Variants in GLDC observed in about 807,000 individuals in gnomAD.
GLDC encodes the protein glycine decarboxylase, also known as glycine dehydrogenase (decarboxylating), mitochondrial.
Under a neutral mutation model 121.3 loss-of-function variants are expected in GLDC, and 104 were observed. The ratio of observed to expected loss-of-function variants is 0.86; its 90% CI spans 0.73 to 1.01. The LOEUF is 1.01. Ranked by LOEUF, GLDC falls within the 50% of genes least tolerant of loss-of-function variation. The pLI is 0.00. For missense variants in GLDC, 1,429 were observed against 1,306.6 expected (o/e 1.09, Z -1.44); for synonymous variants, 546 against 480.6 (o/e 1.14, Z -1.78).
Position 6,634,440 on chromosome 9 carries a change from G to T in GLDC, c.334+10174C>A, listed in dbSNP as rs369824302. Among the ~76,000 whole-genome samples, 8 of 152,022 alleles carry T rather than the reference G, an allele frequency of 5.3e-5. No homozygotes were observed. The East Asian group carries it at 1.6e-3, about 29-fold the overall frequency. Reference sequence around the variant, plus strand: ...GCTACTAGGGAGGCTGAGGAGGGAGGATCGCTTGAGCCTGGGAGGCAGAGG... The same window carrying T: ...GCTACTAGGGAGGCTGAGGAGGGAGTATCGCTTGAGCCTGGGAGGCAGAGG... On this transcript the variant is annotated intron_variant, in intron 2 of 24. Coordinates refer to ENST00000321612, the MANE Select transcript of GLDC (RefSeq NM_000170.3).
rs186384743 is a variant in GLDC, at chr9:6,550,511, C to T, written c.2569+292G>A. Among the ~76,000 whole-genome samples, 695 of 152,208 alleles carry T rather than the reference C, an allele frequency of 4.6e-3. 3 individuals are homozygous for T. The highest frequency in any genetic ancestry group is 0.015 in the African/African-American group (641 of 41,516). On this transcript the variant is annotated intron_variant, in intron 21 of 24. Coordinates refer to ENST00000321612, the MANE Select transcript of GLDC (RefSeq NM_000170.3). ...GCATGGTGGTGCACACGTGTAGTCC[C>T]AGCTACTCGGGAGGCTGAGGCAAAA... is the stretch of plus-strand genomic sequence containing the variant.
chr9:6,623,797 T>C (rs781594162), intron 2 of GLDC, among the ~76,000 whole-genome samples: 1 of 152,202 alleles, frequency 6.6e-6, no homozygotes, highest in Non-Finnish European at 1.5e-5. Context: ...TCTGAGAAGA[T>C]AGGCAAGGAC....
intron 2 of GLDC, among the ~76,000 whole-genome samples, chr9:6,623,852 A>T (rs1372449347): frequency 6.6e-6 from 1 of 152,190 alleles, no homozygotes; most frequent in Non-Finnish European, 1.5e-5. Context: ...TCACCTCCCA[A>T]ATAATCTTCT....
At chr9:6,589,373 G>A in intron 11 of GLDC, 81 bp from the exon 12 acceptor site, 1 of 800,018 alleles carries the variant, frequency 1.2e-6, no homozygotes, top group Non-Finnish European at 2.3e-6. Context: ...GGGTGGCTGG[G>A]CCACAAAGCA....
chr9:6,636,190 C>T (rs1205715512), intron 2 of GLDC, among the ~76,000 whole-genome samples: 1 of 151,980 alleles, frequency 6.6e-6, no homozygotes, highest in East Asian at 1.9e-4. Context: ...TGTAGTCTCG[C>T]CTACTCAGGA....
intron 2 of GLDC, among the ~76,000 whole-genome samples, chr9:6,633,128 G>C (rs1014929506): frequency 6.6e-6 from 1 of 152,016 alleles, no homozygotes; most frequent in Non-Finnish European, 1.5e-5. Flanking sequence ...CTCCCACCTC[G>C]GAGGATCCTT....
chr9:6,554,631 C>T (rs780954019), intron 19 of GLDC, 38 bp downstream of exon 19: 1 of 1,417,492 alleles, frequency 7.1e-7, no homozygotes, highest in Non-Finnish European at 9.9e-7. Flanking sequence ...TTCATTCTGT[C>T]TCCAAAGCCA....
At chr9:6,565,895 T>A (rs1333154381) in intron 15 of GLDC, 1 of 265,668 alleles carries the variant, frequency 3.8e-6, no homozygotes. Flanking sequence ...AAACATCCTA[T>A]CATCAGTTCA....
chr9:6,595,734 G>A lies in GLDC; in HGVS notation c.1156-615C>T, dbSNP rs554592059. The stretch of plus-strand genomic sequence containing the variant: ...TGTAGTCCCAGTGACTCCAGAAGCC[G>A]AGATGGATCACTTGAACCCAGGATT... On this transcript the variant is annotated intron_variant, in intron 8 of 24. Coordinates refer to ENST00000321612, the MANE Select transcript of GLDC (RefSeq NM_000170.3). Among the ~76,000 whole-genome samples, 22 of 152,268 alleles carry A rather than the reference G, an allele frequency of 1.4e-4. No homozygotes were observed. The South Asian group carries it at 1.9e-3, about 13-fold the overall frequency.
At chr9:6,598,070 C>T (rs150048528) in intron 8 of GLDC, among the ~76,000 whole-genome samples, 1,888 of 152,148 alleles carry the variant, frequency 0.012, 30 homozygotes, top group Non-Finnish European at 0.018. Context: ...ATTCTGTCAC[C>T]CAGGTTGGAG....
chr9:6,539,930 C>T, intron 22 of GLDC, 121 bp downstream of exon 22: 1 of 774,874 alleles, frequency 1.3e-6, no homozygotes, highest in Non-Finnish European at 2.3e-6. Flanking sequence ...TTGCCAAGAA[C>T]CCTGAGCTCC....
intron 23 of GLDC, among the ~76,000 whole-genome samples, chr9:6,535,196 T>A: frequency 6.6e-6 from 1 of 152,162 alleles, no homozygotes; most frequent in East Asian, 1.9e-4. Flanking sequence ...CATTTTAAAA[T>A]CTGATATCAT....
chr9:6,607,042 C>T (rs1430066819), intron 4 of GLDC, among the ~76,000 whole-genome samples: 1 of 151,392 alleles, frequency 6.6e-6, no homozygotes, highest in Non-Finnish European at 1.5e-5. Flanking sequence ...CTCCATCCTG[C>T]GTAAGACGAG....
Position 6,555,936 on chromosome 9 carries a change from C to G in GLDC, c.2202+217G>C, listed in dbSNP as rs111542032. Among the ~76,000 whole-genome samples, 117 of 152,334 alleles carry G rather than the reference C, an allele frequency of 7.7e-4. 1 individual carries two copies. Among genetic ancestry groups the G allele is most frequent in the African/African-American group, 2.5e-3 (106 of 41,574 alleles). On this transcript the variant is annotated intron_variant, in intron 18 of 24. Transcript: ENST00000321612. ...ATAGATCCTCTGTCCCCCAAGTAAT[C>G]AGGATTGGGCCCTTTGAGCCCCCAT...
At chr9:6,540,636 T>A (rs557871158) in intron 21 of GLDC, 8 of 163,958 alleles carry the variant, frequency 4.9e-5, no homozygotes, top group African/African-American at 1.7e-4. Context: ...CATATATCCA[T>A]AAGACACATA....
At chr9:6,560,819 G>T (rs531577109) in intron 16 of GLDC, among the ~76,000 whole-genome samples, 1 of 152,280 alleles carries the variant, frequency 6.6e-6, no homozygotes, top group South Asian at 2.1e-4. Context: ...TGGCAAGGGG[G>T]ACTTGCAGAT....
rs1222749984 is a variant in GLDC, at chr9:6,606,660, CTTG to C, written c.642_644del (p.Asn214del). The C allele has an allele frequency of 5.6e-6, 9 of 1,596,316 alleles. No individual in the cohort carries two copies. Among genetic ancestry groups the C allele is most frequent in the Middle Eastern group, 1.7e-4 (1 of 6,044 alleles). On this transcript the variant is annotated inframe_deletion, in exon 5 of 25. Coordinates refer to ENST00000321612, the MANE Select transcript of GLDC (RefSeq NM_000170.3). ...GGGGATCAACGAGAAATTTCCTCCT[CTTG>C]TTGTGTCTGTTGAAAAGAAAAAGCA...
In GLDC at chr9:6,532,908, G is replaced by T; in HGVS notation, c.*109C>A. 1 of 806,896 alleles carries T rather than the reference G, an allele frequency of 1.2e-6. No individual in the cohort carries two copies. The highest frequency in any genetic ancestry group is 2.4e-5 in the East Asian group (1 of 41,208). 50.0% of individuals were successfully genotyped at this position (806,896 alleles called of 1,614,324 possible). The stretch of plus-strand genomic sequence containing the variant: ...GACAGAGATTACAGAGATATACACA[G>T]TATATAAAACTCCTACTTGAGGCTG... On this transcript the variant is annotated 3_prime_UTR_variant, in exon 25 of 25. Coordinates refer to ENST00000321612, the MANE Select transcript of GLDC (RefSeq NM_000170.3).
chr9:6,605,780 A>G (rs1348063431), intron 5 of GLDC: 1 of 232,354 alleles, frequency 4.3e-6, no homozygotes, highest in South Asian at 6.7e-5. Context: ...GAAAGCAAAT[A>G]TCTACCAATA....
Sources: allele counts gnomAD v4.1 joint callset (sites outside exome capture counted in the v4.1 genomes callset), GRCh38; gene constraint gnomAD v4.1.1; transcripts MANE v1.5; gene names NCBI Gene and HGNC (gene_info 2026-07-23, HGNC 2026-07-21).